Variants in MSRA observed in about 807,000 individuals in gnomAD.
MSRA encodes the protein mitochondrial peptide methionine sulfoxide reductase.
In MSRA, 54 loss-of-function variants were observed where a neutral mutation model predicts 31.3. The observed-to-expected ratio is 1.73, with a 90% confidence interval of 1.39 to 2.17. The LOEUF is 2.17. Ranked by LOEUF, MSRA falls within the 30% of genes most tolerant of loss-of-function variation. The pLI, the probability that MSRA is intolerant of heterozygous loss-of-function variation, is 0.00. For missense variants in MSRA, 507 were observed against 300.9 expected, an observed-to-expected ratio of 1.69 and a Z score of -5.07; for synonymous variants, 169 against 116.5, an observed-to-expected ratio of 1.45 and a Z score of -2.90.
At chr8:10,356,081 G>A (rs1804491843) in intron 5 of MSRA, among the ~76,000 whole-genome samples, 1 of 152,182 alleles carries the variant, frequency 6.6e-6, no homozygotes, top group African/African-American at 2.4e-5. Context: ...GGGGAGCTGG[G>A]ACTAAGTGGT....
At chr8:10,245,336 C>T (rs905854966) in intron 3 of MSRA, 113 bp downstream of exon 3, 44 of 1,005,592 alleles carry the variant, frequency 4.4e-5, no homozygotes, top group Non-Finnish European at 6.4e-5. Flanking sequence ...AATGTTTCTT[C>T]AATCTTTATT....
intron 1 of MSRA, among the ~76,000 whole-genome samples, chr8:10,082,408 G>A (rs1013285161): frequency 1.3e-5 from 2 of 152,082 alleles, no homozygotes; most frequent in African/African-American, 4.8e-5. Flanking sequence ...GCTTCTCCCT[G>A]CTTGAGGGCG....
At chr8:10,379,809 C>T (rs1223499640) in intron 5 of MSRA, among the ~76,000 whole-genome samples, 2 of 152,222 alleles carry the variant, frequency 1.3e-5, no homozygotes, top group Non-Finnish European at 2.9e-5. Flanking sequence ...AGTCTGCAGG[C>T]GTGCTCCATC....
chr8:10,421,534 C>T (rs1272222351), intron 5 of MSRA, among the ~76,000 whole-genome samples: 3 of 151,932 alleles, frequency 2.0e-5, no homozygotes, highest in Non-Finnish European at 2.9e-5. Flanking sequence ...TAGGCTGAGA[C>T]ACTCGGGCAC....
intron 1 of MSRA, among the ~76,000 whole-genome samples, chr8:10,091,603 G>C (rs1323794296): frequency 6.6e-6 from 1 of 151,070 alleles, no homozygotes; most frequent in Non-Finnish European, 1.5e-5. Context: ...TGGATCATAT[G>C]GTAGTTTTTT....
intron 1 of MSRA, among the ~76,000 whole-genome samples, chr8:10,198,681 T>C (rs1808209878): frequency 6.6e-6 from 1 of 152,180 alleles, no homozygotes; most frequent in South Asian, 2.1e-4. Flanking sequence ...TGGAGTGCAA[T>C]GGGACAGTCA....
chr8:10,120,716 G>A (rs1801047434), intron 1 of MSRA, among the ~76,000 whole-genome samples: 1 of 152,212 alleles, frequency 6.6e-6, no homozygotes, highest in Non-Finnish European at 1.5e-5. Flanking sequence ...GAAGCCTGGT[G>A]AATCTAATGG....
intron 4 of MSRA, among the ~76,000 whole-genome samples, chr8:10,318,443 C>T (rs1204010770): frequency 2.0e-5 from 3 of 152,130 alleles, no homozygotes; most frequent in Non-Finnish European, 2.9e-5. Flanking sequence ...TCTTCTGTAG[C>T]CTCTAGAGTG....
chr8:10,181,577 C>T (rs967312357), intron 1 of MSRA, among the ~76,000 whole-genome samples: 2 of 151,972 alleles, frequency 1.3e-5, no homozygotes, highest in Middle Eastern at 3.2e-3. Context: ...AACATGGAAG[C>T]TGGGGATGAC....
At chr8:10,059,279 G>A (rs1027282117) in intron 1 of MSRA, among the ~76,000 whole-genome samples, 1 of 152,164 alleles carries the variant, frequency 6.6e-6, no homozygotes, top group Admixed American at 6.5e-5. Flanking sequence ...TAAGTGTCTT[G>A]TATGCCAGGC....
intron 1 of MSRA, among the ~76,000 whole-genome samples, chr8:10,173,375 C>T (rs1207016016): frequency 2.6e-5 from 4 of 152,194 alleles, no homozygotes; most frequent in Non-Finnish European, 4.4e-5. Context: ...GGGGTGAAGA[C>T]CAGACAAATC....
At chr8:10,308,468 G>A (rs1040179111) in intron 4 of MSRA, among the ~76,000 whole-genome samples, 2 of 152,296 alleles carry the variant, frequency 1.3e-5, no homozygotes, top group African/African-American at 2.4e-5. Context: ...TAACTGGCCT[G>A]TCTCACCCTT....
Position 10,301,543 on chromosome 8 carries a change from G to T in MSRA, c.341G>T (p.Gly114Val). The T allele has an allele frequency of 6.2e-7, 1 of 1,612,494 alleles. No individual in the cohort carries two copies. Among genetic ancestry groups the T allele is most frequent in the Non-Finnish European group, 8.5e-7 (1 of 1,179,576 alleles). The change falls in exon 4 of 6, where the codon GGC becomes GTC. Residue 114 changes from glycine to valine, a missense_variant. Transcript: ENST00000317173. ...TYKEVCSEKT[G>V]HAEVVRVVYQ... ...TTTTGTTTTTTCCAAGAAAAAACTGGCCATGCAGAAGTCGTCCGAGTGGTG... is the reference window on the plus strand; with the variant it reads ...TTTTGTTTTTTCCAAGAAAAAACTGTCCATGCAGAAGTCGTCCGAGTGGTG...
At chr8:10,391,834 T>C (rs1396733628) in intron 5 of MSRA, among the ~76,000 whole-genome samples, 1 of 152,204 alleles carries the variant, frequency 6.6e-6, no homozygotes, top group Non-Finnish European at 1.5e-5. Flanking sequence ...GAGCAGACGG[T>C]GGTGTCTTTT....
At chr8:10,095,614 C>G (rs1799100204) in intron 1 of MSRA, 2 of 988,066 alleles carry the variant, frequency 2.0e-6, no homozygotes, top group African/African-American at 1.7e-5. Flanking sequence ...GAAAAAAAGG[C>G]AAGACTTGGC....
intron 5 of MSRA, among the ~76,000 whole-genome samples, chr8:10,360,591 C>T (rs1804789182): frequency 6.6e-6 from 1 of 152,208 alleles, no homozygotes; most frequent in Non-Finnish European, 1.5e-5. Flanking sequence ...CGGCACTTCA[C>T]ATATTGTTCT....
chr8:10,104,297 C>T (rs187871637), intron 1 of MSRA, among the ~76,000 whole-genome samples: 5 of 152,202 alleles, frequency 3.3e-5, no homozygotes, highest in Non-Finnish European at 7.3e-5. Flanking sequence ...GTATCTGAGA[C>T]AGGTCTCAAT....
chr8:10,245,204 T>G lies in MSRA; in HGVS notation c.312T>G (p.Thr104=), dbSNP rs1445202215. 1 of 1,613,446 alleles carries G rather than the reference T, an allele frequency of 6.2e-7. No individual in the cohort carries two copies. Among genetic ancestry groups the G allele is most frequent in the South Asian group, 1.1e-5 (1 of 90,938 alleles). ...CAGGAGGCTATACTTCAAATCCTAC[T>G]TATAAAGAAGTCTGCTCAGGTAGGA... ...GFAGGYTSNP[T]YKEVCSEKTG... Residue 104 remains threonine, a synonymous_variant, in exon 3 of 6, where the codon ACT becomes ACG. Transcript: ENST00000317173.
In MSRA at chr8:10,054,576, C is replaced by G; in HGVS notation, c.60C>G (p.Val20=). The change falls in exon 1 of 6, where the codon GTC becomes GTG. Residue 20 remains valine (V), a synonymous_variant. Coordinates refer to ENST00000317173, the MANE Select transcript of MSRA (RefSeq NM_012331.5). ...QLLLLHSLFP[V]PRMGNSASNI... is the part of the protein sequence containing the mutation. ...TCCTCCTCCACAGCCTCTTTCCCGTCCCGAGGATGGGCAACTCGGCCTCGA... is the reference window on the plus strand; with the variant it reads ...TCCTCCTCCACAGCCTCTTTCCCGTGCCGAGGATGGGCAACTCGGCCTCGA... 6.3e-7 allele frequency: 1 copy of G among 1,586,118 alleles called. No homozygotes were observed. Among genetic ancestry groups the G allele is most frequent in the Non-Finnish European group, 8.6e-7 (1 of 1,166,554 alleles).
Sources: gnomAD v4.1 joint callset for allele counts (sites outside exome capture counted in the v4.1 genomes callset) on GRCh38, gnomAD v4.1.1 for gene constraint, MANE v1.5 for transcripts, NCBI Gene and HGNC (gene_info 2026-07-23, HGNC 2026-07-21) for gene names.